KLHL1: variants seen among roughly 807,000 people sequenced by gnomAD.
The protein encoded by KLHL1 is kelch-like protein 1.
A neutral mutation model predicts 77.7 loss-of-function variants in KLHL1; 47 were observed. The ratio of observed to expected loss-of-function variants is 0.60; its 90% CI spans 0.48 to 0.77. The LOEUF is 0.77. Ranked by LOEUF, KLHL1 falls within the 30% of genes least tolerant of loss-of-function variation. The probability of loss-of-function intolerance (pLI) is 0.00; values close to 1 mark genes in which losing one functional copy is unlikely to be tolerated. For synonymous variants in KLHL1, 360 were observed against 325.2 expected (o/e 1.11, Z -1.15); for missense variants, 925 against 910.8 (o/e 1.02, Z -0.20).
intron 6 of KLHL1, among the ~76,000 whole-genome samples, chr13:69,804,383 A>G (rs1323868357): frequency 6.6e-6 from 1 of 152,154 alleles, no homozygotes; most frequent in Non-Finnish European, 1.5e-5. Flanking sequence ...TCCTACATCT[A>G]TAATTCAAGC....
At chr13:69,873,759 A>G (rs1359511589) in intron 5 of KLHL1, among the ~76,000 whole-genome samples, 1 of 152,304 alleles carries the variant, frequency 6.6e-6, no homozygotes, top group East Asian at 1.9e-4. Context: ...CTTAAAGTAT[A>G]TATATTTAAA....
intron 4 of KLHL1, among the ~76,000 whole-genome samples, chr13:69,908,074 T>C (rs932248311): frequency 3.9e-5 from 6 of 152,094 alleles, no homozygotes; most frequent in African/African-American, 1.4e-4. Flanking sequence ...GTAGTTGTCA[T>C]ATACAGAGAT....
chr13:69,794,650 AG>A (rs893773369), intron 7 of KLHL1, among the ~76,000 whole-genome samples: 1 of 152,116 alleles, frequency 6.6e-6, no homozygotes, highest in African/African-American at 2.4e-5. Flanking sequence ...AATTTGAAAT[AG>A]GAACAGTACG....
At chr13:70,008,232 T>C (rs993221744) in intron 1 of KLHL1, among the ~76,000 whole-genome samples, 3 of 152,054 alleles carry the variant, frequency 2.0e-5, no homozygotes, top group Non-Finnish European at 4.4e-5. Flanking sequence ...AGGTTTCTTT[T>C]GGAATGTTTA....
In KLHL1 at chr13:69,796,969, A is replaced by C; in HGVS notation, c.1415-7T>G. 6.2e-7 allele frequency: 1 copy of C among 1,611,558 alleles called. No individual in the cohort carries two copies. Among genetic ancestry groups the C allele is most frequent in the Admixed American group, 1.7e-5 (1 of 59,912 alleles). On this transcript the variant is annotated splice_polypyrimidine_tract_variant and splice_region_variant and intron_variant, in intron 6 of 10. Coordinates refer to ENST00000377844, the MANE Select transcript of KLHL1 (RefSeq NM_020866.3). The stretch of plus-strand genomic sequence containing the variant: ...TTCTCTATAGTTGTAGCTCCTGATA[A>C]AACATAAAATCAAAAAGTCACCAAT...
intron 1 of KLHL1, among the ~76,000 whole-genome samples, chr13:70,083,667 T>C (rs1327199295): frequency 6.6e-6 from 1 of 152,146 alleles, no homozygotes; most frequent in Non-Finnish European, 1.5e-5. Context: ...ATTGCCTAAA[T>C]TAAGCATAGA....
intron 1 of KLHL1, among the ~76,000 whole-genome samples, chr13:69,979,581 G>A: frequency 6.6e-6 from 1 of 151,832 alleles, no homozygotes; most frequent in African/African-American, 2.4e-5. Context: ...TAAAAACCAG[G>A]CATTGGATTA....
At chr13:69,778,027 TAAGA>T (rs1297966282) in intron 7 of KLHL1, among the ~76,000 whole-genome samples, 3 of 151,768 alleles carry the variant, frequency 2.0e-5, no homozygotes, top group Non-Finnish European at 4.4e-5. Flanking sequence ...TATTAAAAAT[TAAGA>T]TAATTATAAA....
intron 4 of KLHL1, among the ~76,000 whole-genome samples, chr13:69,920,238 A>G (rs1183692444): frequency 1.3e-5 from 2 of 152,094 alleles, no homozygotes; most frequent in South Asian, 2.1e-4. Context: ...ACTAAAATAC[A>G]TGTGAGATTG....
intron 1 of KLHL1, among the ~76,000 whole-genome samples, chr13:70,069,348 T>C (rs993934271): frequency 3.9e-5 from 6 of 152,172 alleles, no homozygotes; most frequent in East Asian, 1.9e-4. Context: ...ACCATAACTA[T>C]AGCAAATAGT....
intron 1 of KLHL1, among the ~76,000 whole-genome samples, chr13:70,102,625 G>A (rs967303057): frequency 1.1e-4 from 16 of 152,296 alleles, no homozygotes; most frequent in African/African-American, 3.4e-4. Flanking sequence ...GGTATCTGGA[G>A]TCAGATACAA....
chr13:70,107,599 C>G lies in KLHL1; in HGVS notation c.101G>C (p.Gly34Ala), dbSNP rs768924039. 6 of 1,596,874 alleles carry G rather than the reference C, an allele frequency of 3.8e-6. No individual in the cohort carries two copies. The highest frequency in any genetic ancestry group is 1.7e-5 in the Admixed American group (1 of 58,004). The change falls in exon 1 of 11, where the codon GGG (glycine) becomes GCG (alanine). Residue 34 changes from glycine to alanine, a missense_variant. Gly to Ala is a moderately conservative substitution (Grantham distance 60, BLOSUM62 0). Transcript: ENST00000377844. ...HPSPSTGGPAGGGCLQQDGSG... is the reference protein window; with the variant it reads ...HPSPSTGGPAAGGCLQQDGSG... ...GCCGTCCTGTTGCAGGCAGCCTCCC[C>G]CCGCCGGGCCGCCGGTGGAAGGAGA... is the stretch of plus-strand genomic sequence containing the variant.
chr13:69,779,440 C>CTTCT (rs1234856601), intron 7 of KLHL1, among the ~76,000 whole-genome samples: 1 of 147,202 alleles, frequency 6.8e-6, no homozygotes, highest in African/African-American at 2.5e-5. Context: ...TTCCTTTCTC[C>CTTCT]TTCTTTCCTT....
intron 3 of KLHL1, among the ~76,000 whole-genome samples, 174 bp from the exon 4 acceptor site, chr13:69,940,410 C>T (rs1015972074): frequency 1.3e-5 from 2 of 151,992 alleles, no homozygotes; most frequent in African/African-American, 4.8e-5. Flanking sequence ...TTTTGCATTT[C>T]GTATTTCATG....
chr13:69,821,865 A>G (rs1878350499), intron 6 of KLHL1, among the ~76,000 whole-genome samples: 1 of 152,062 alleles, frequency 6.6e-6, no homozygotes, highest in Admixed American at 6.6e-5. Flanking sequence ...CTTAAGCTAA[A>G]CCATGGCAGG....
At chr13:69,785,726 T>G (rs1014899045) in intron 7 of KLHL1, among the ~76,000 whole-genome samples, 22 of 151,984 alleles carry the variant, frequency 1.4e-4, no homozygotes, top group African/African-American at 5.3e-4. Flanking sequence ...GGAGCTGCTT[T>G]TTGAAAAGAT....
At chr13:70,004,415 C>A (rs144163732) in intron 1 of KLHL1, among the ~76,000 whole-genome samples, 102 of 151,898 alleles carry the variant, frequency 6.7e-4, no homozygotes, top group African/African-American at 2.4e-3. Flanking sequence ...TATGTCCTGA[C>A]CCTTTCTTTG....
chr13:69,739,948 C>G (rs1873916386), intron 8 of KLHL1, among the ~76,000 whole-genome samples: 1 of 152,072 alleles, frequency 6.6e-6, no homozygotes, highest in Admixed American at 6.6e-5. Flanking sequence ...TCTAAACACT[C>G]TGAAATGCAC....
In KLHL1 at chr13:69,961,474, C is replaced by T. The variant is rs750811858; in HGVS notation, c.681-30G>A. The T allele has an allele frequency of 5.6e-6, 9 of 1,610,404 alleles. No individual in the cohort carries two copies. The East Asian group carries it at 6.7e-5, about 12-fold the overall frequency. ...AAGAGTCACAGGTTCTAATTTAGGT[C>T]GTGAATGTAAGGCAGAAAATCACTG... On this transcript the variant is annotated intron_variant, in intron 2 of 10. Coordinates refer to ENST00000377844, the MANE Select transcript of KLHL1 (RefSeq NM_020866.3).
Sources: gnomAD v4.1 joint callset for allele counts (sites outside exome capture counted in the v4.1 genomes callset) on GRCh38, gnomAD v4.1.1 for gene constraint, MANE v1.5 for transcripts, NCBI Gene and HGNC (gene_info 2026-07-23, HGNC 2026-07-21) for gene names.